RGS7: variants seen among roughly 807,000 people sequenced by gnomAD.
RGS7 encodes regulator of G protein signaling 7.
Under a neutral mutation model 81.1 loss-of-function variants are expected in RGS7, and 27 were observed. The ratio of observed to expected loss-of-function variants is 0.33; its 90% CI spans 0.25 to 0.46. The LOEUF is 0.46. RGS7 is among the 20% of genes least tolerant of loss of function. The probability of loss-of-function intolerance (pLI) is 1.00; values close to 1 mark genes in which losing one functional copy is unlikely to be tolerated. For synonymous variants in RGS7, 208 were observed against 207.7 expected (o/e 1.00, Z -0.01); for missense variants, 396 against 607.4 (o/e 0.65, Z 3.66).
At chr1:241,291,121 TA>T (rs2079065738) in intron 2 of RGS7, among the ~76,000 whole-genome samples, 1 of 152,108 alleles carries the variant, frequency 6.6e-6, no homozygotes. Flanking sequence ...GAGGATAAAA[TA>T]AACACAGACA....
chr1:241,323,831 G>C (rs1194241875), intron 2 of RGS7, among the ~76,000 whole-genome samples: 1 of 152,114 alleles, frequency 6.6e-6, no homozygotes, highest in Non-Finnish European at 1.5e-5. Context: ...TATTTGGACA[G>C]ACACAGAAGT....
intron 2 of RGS7, among the ~76,000 whole-genome samples, chr1:241,117,129 T>C (rs569022376): frequency 6.6e-6 from 1 of 152,284 alleles, no homozygotes; most frequent in East Asian, 1.9e-4. Flanking sequence ...GCATGTCAGC[T>C]TTCTTTTCAA....
At chr1:241,034,839 A>G (rs1299145409) in intron 3 of RGS7, among the ~76,000 whole-genome samples, 1 of 152,206 alleles carries the variant, frequency 6.6e-6, no homozygotes, top group African/African-American at 2.4e-5. Context: ...TACAACCAGC[A>G]CAAGGATGAA....
At chr1:240,968,001 C>A (rs12119557) in intron 4 of RGS7, among the ~76,000 whole-genome samples, 6 of 151,588 alleles carry the variant, frequency 4.0e-5, no homozygotes, top group Non-Finnish European at 8.8e-5. Flanking sequence ...AACCAATATC[C>A]ATATCCAAAC....
At chr1:240,792,738 C>T (rs916925280) in intron 18 of RGS7, among the ~76,000 whole-genome samples, 2 of 152,174 alleles carry the variant, frequency 1.3e-5, no homozygotes, top group African/African-American at 4.8e-5. Context: ...GCAGAATGAA[C>T]CAACTCAGGT....
At chr1:240,823,441 T>C in intron 10 of RGS7, 1 of 312,746 alleles carries the variant, frequency 3.2e-6, no homozygotes, top group South Asian at 2.9e-5. Context: ...CACGTTATAG[T>C]CCAGTCCGCT....
At chr1:241,127,473 A>C (rs930268936) in intron 2 of RGS7, among the ~76,000 whole-genome samples, 2 of 152,178 alleles carry the variant, frequency 1.3e-5, no homozygotes, top group Non-Finnish European at 2.9e-5. Context: ...GTTCTCACTC[A>C]TAGGTGGGAA....
intron 9 of RGS7, among the ~76,000 whole-genome samples, chr1:240,856,243 A>G (rs927343865): frequency 4.6e-5 from 7 of 152,194 alleles, no homozygotes; most frequent in African/African-American, 1.7e-4. Context: ...TCCTAACATT[A>G]GCTCAACGTA....
At chr1:240,845,752 T>C (rs1251620952) in intron 9 of RGS7, among the ~76,000 whole-genome samples, 2 of 152,248 alleles carry the variant, frequency 1.3e-5, no homozygotes, top group African/African-American at 2.4e-5. Flanking sequence ...GTAATCCACA[T>C]GCATTATTGT....
At chr1:241,075,226 A>G (rs1572567513) in intron 3 of RGS7, among the ~76,000 whole-genome samples, 1 of 152,374 alleles carries the variant, frequency 6.6e-6, no homozygotes, top group East Asian at 1.9e-4. Flanking sequence ...ACTCACATCC[A>G]AAAGTGGAAG....
intron 3 of RGS7, among the ~76,000 whole-genome samples, chr1:241,050,810 T>G (rs2061208880): frequency 6.6e-6 from 1 of 152,234 alleles, no homozygotes; most frequent in African/African-American, 2.4e-5. Context: ...TTTCTTAATT[T>G]TATTTTTTCT....
At chr1:240,962,542 A>G (rs1404922982) in intron 4 of RGS7, among the ~76,000 whole-genome samples, 1 of 152,204 alleles carries the variant, frequency 6.6e-6, no homozygotes, top group African/African-American at 2.4e-5. Context: ...CTCTGTCTAT[A>G]GGAAGTCAGT....
chr1:241,190,177 T>C lies in RGS7; in HGVS notation c.79-91415A>G, dbSNP rs1470762707. ...CTATTGTGTTCCAAACTATCTATTC[T>C]GATTGCTAGTGGATTTATGTGTCTG... On this transcript the variant is annotated intron_variant, in intron 2 of 18. Coordinates refer to ENST00000440928, the MANE Select transcript of RGS7 (RefSeq NM_001364886.1). 1.3e-5 allele frequency among the ~76,000 whole-genome samples: 2 copies of C among 152,220 alleles called. 1 individual carries two copies. Among genetic ancestry groups the C allele is most frequent in the Middle Eastern group, 6.3e-3 (2 of 316 alleles).
In RGS7 at chr1:241,248,506, C is replaced by G. The variant is rs767280564; in HGVS notation, c.78+107193G>C. 4.2e-4 allele frequency among the ~76,000 whole-genome samples: 63 copies of G among 151,742 alleles called. 2 individuals carry two copies. Among genetic ancestry groups the G allele is most frequent in the Non-Finnish European group, 3.7e-4 (25 of 67,912 alleles). ...AGTATTGATATGACTGTGGTTCAGTCTCCCATCTTGCTGGCTTTTTTAATA... is the reference window on the plus strand; with the variant it reads ...AGTATTGATATGACTGTGGTTCAGTGTCCCATCTTGCTGGCTTTTTTAATA... On this transcript the variant is annotated intron_variant, in intron 2 of 18. Coordinates refer to ENST00000440928, the MANE Select transcript of RGS7 (RefSeq NM_001364886.1).
At chr1:241,117,873 T>G (rs1334085111) in intron 2 of RGS7, among the ~76,000 whole-genome samples, 1 of 152,108 alleles carries the variant, frequency 6.6e-6, no homozygotes, top group African/African-American at 2.4e-5. Flanking sequence ...ATGCAGAGAA[T>G]CAAGCAAGAT....
At chr1:240,889,783 G>A (rs1667984840) in intron 6 of RGS7, among the ~76,000 whole-genome samples, 1 of 152,086 alleles carries the variant, frequency 6.6e-6, no homozygotes, top group Admixed American at 6.5e-5. Flanking sequence ...ATGACGCATG[G>A]TGATTTTGAA....
chr1:240,958,242 C>T lies in RGS7; in HGVS notation c.227-21536G>A, dbSNP rs570027514. On this transcript the variant is annotated intron_variant, in intron 4 of 18. Coordinates refer to ENST00000440928, the MANE Select transcript of RGS7 (RefSeq NM_001364886.1). ...GAAAGTGGCAAAACAATAAGAGCCT[C>T]ATTCATTTCTGCTGTGTTCCAGATA... 1.6e-3 allele frequency among the ~76,000 whole-genome samples: 239 copies of T among 152,322 alleles called. 2 individuals are homozygous for T. Among genetic ancestry groups the T allele is most frequent in the Non-Finnish European group, 2.9e-3 (199 of 68,036 alleles).
intron 6 of RGS7, chr1:240,920,226 CAA>C: frequency 8.4e-7 from 1 of 1,184,604 alleles, no homozygotes; most frequent in Admixed American, 1.7e-5. Context: ...TTCATGCAGC[CAA>C]AGAGGTCGAA....
intron 6 of RGS7, among the ~76,000 whole-genome samples, chr1:240,917,176 G>C (rs1485318880): frequency 6.6e-6 from 1 of 151,980 alleles, no homozygotes; most frequent in African/African-American, 2.4e-5. Flanking sequence ...CAAAAGTGAA[G>C]GAAAAACAAA....
Sources: gnomAD v4.1 joint callset for allele counts (sites outside exome capture counted in the v4.1 genomes callset) on GRCh38, gnomAD v4.1.1 for gene constraint, MANE v1.5 for transcripts, NCBI Gene and HGNC (gene_info 2026-07-23, HGNC 2026-07-21) for gene names.